The following LINGO2 variants were observed in gnomAD, a reference collection of about 807,000 sequenced individuals.
LINGO2 encodes the protein leucine rich repeat and Ig domain containing 2, also known as leucine-rich repeat and immunoglobulin-like domain-containing nogo receptor-interacting protein 2.
In LINGO2, 14 loss-of-function variants were observed where a neutral mutation model predicts 30.6. The observed-to-expected ratio is 0.46, with a 90% CI of 0.30 to 0.72. The LOEUF (loss-of-function observed/expected upper bound fraction) is 0.72, where lower values mean the gene tolerates loss of function less well. LINGO2 is among the 30% of genes least tolerant of loss of function. The pLI is 0.07. For synonymous variants in LINGO2, 317 were observed against 288.5 expected (o/e 1.10, Z -1.00); for missense variants, 729 against 751.7 (o/e 0.97, Z 0.35).
At chr9:28,478,706 T>C (rs945568937) in intron 1 of LINGO2, among the ~76,000 whole-genome samples, 1 of 152,144 alleles carries the variant, frequency 6.6e-6, no homozygotes, top group African/African-American at 2.4e-5. Flanking sequence ...AGATCAACAA[T>C]ACATCACTAA....
the LINGO2 span, among the ~76,000 whole-genome samples, chr9:28,830,191 A>C: frequency 6.6e-6 from 1 of 152,170 alleles, no homozygotes; most frequent in Non-Finnish European, 1.5e-5. Context: ...GGGGTAAGTA[A>C]CATTTAAACA....
chr9:28,965,305 A>G, the LINGO2 span, among the ~76,000 whole-genome samples: 2 of 152,018 alleles, frequency 1.3e-5, no homozygotes, highest in Admixed American at 6.6e-5. Flanking sequence ...CAGAACACTA[A>G]TATCAATTGA....
At chr9:28,719,668 C>T in the LINGO2 span, among the ~76,000 whole-genome samples, 1 of 152,092 alleles carries the variant, frequency 6.6e-6, no homozygotes, top group South Asian at 2.1e-4. Flanking sequence ...TTCTTCTTCT[C>T]ATTATACACT....
At chr9:29,051,244 G>C in the LINGO2 span, among the ~76,000 whole-genome samples, 1 of 152,024 alleles carries the variant, frequency 6.6e-6, no homozygotes, top group Non-Finnish European at 1.5e-5. Flanking sequence ...CACTATTATA[G>C]TATTGTACAG....
At chr9:28,022,997 T>C (rs1823209223) in intron 4 of LINGO2, among the ~76,000 whole-genome samples, 1 of 152,132 alleles carries the variant, frequency 6.6e-6, no homozygotes, top group Admixed American at 6.5e-5. Flanking sequence ...TTCTATTTTT[T>C]ATTTCTAGCA....
the LINGO2 span, among the ~76,000 whole-genome samples, chr9:28,957,497 C>T: frequency 6.6e-6 from 1 of 152,140 alleles, no homozygotes; most frequent in Non-Finnish European, 1.5e-5. Flanking sequence ...TCTAGATTCT[C>T]TTAAACTTTA....
At chr9:28,219,563 C>A (rs1219176656) in intron 4 of LINGO2, among the ~76,000 whole-genome samples, 1 of 152,158 alleles carries the variant, frequency 6.6e-6, no homozygotes, top group African/African-American at 2.4e-5. Context: ...ATGCCTGTCA[C>A]ATAGATCTTT....
At chr9:29,088,322 T>C in the LINGO2 span, among the ~76,000 whole-genome samples, 5 of 152,132 alleles carry the variant, frequency 3.3e-5, no homozygotes, top group East Asian at 3.9e-4. Context: ...TCTCTGCTCA[T>C]GGCAAAACCG....
At chr9:28,434,260 G>T (rs1057041539) in intron 2 of LINGO2, among the ~76,000 whole-genome samples, 4 of 148,732 alleles carry the variant, frequency 2.7e-5, no homozygotes, top group African/African-American at 9.9e-5. Flanking sequence ...CAGAAAGAAT[G>T]ACTACACACC....
the LINGO2 span, among the ~76,000 whole-genome samples, chr9:28,872,123 A>G: frequency 6.6e-6 from 1 of 152,002 alleles, no homozygotes; most frequent in Admixed American, 6.6e-5. Context: ...ACTAGAGAGA[A>G]AGAAACCTTC....
intron 2 of LINGO2, among the ~76,000 whole-genome samples, chr9:28,398,434 A>G (rs993721401): frequency 3.9e-5 from 6 of 152,210 alleles, no homozygotes; most frequent in African/African-American, 1.4e-4. Flanking sequence ...TCTCATTTCC[A>G]TAAATCTTAC....
At chr9:28,690,353 AC>A in the LINGO2 span, among the ~76,000 whole-genome samples, 1 of 152,176 alleles carries the variant, frequency 6.6e-6, no homozygotes, top group African/African-American at 2.4e-5. Flanking sequence ...CAGATTCCTG[AC>A]CCATAAAAAT....
chr9:28,839,488 G>A, the LINGO2 span, among the ~76,000 whole-genome samples: 2 of 152,114 alleles, frequency 1.3e-5, no homozygotes, highest in East Asian at 3.9e-4. Context: ...GCTCTCAGCA[G>A]AGAGGAGACC....
At chr9:28,886,481 T>C in the LINGO2 span, among the ~76,000 whole-genome samples, 63 of 152,242 alleles carry the variant, frequency 4.1e-4, no homozygotes, top group Non-Finnish European at 5.9e-5. Flanking sequence ...CTCCTTGGAT[T>C]TGAGGGTAAT....
chr9:28,055,583 G>A (rs1307930052), intron 4 of LINGO2, among the ~76,000 whole-genome samples: 1 of 152,178 alleles, frequency 6.6e-6, no homozygotes, highest in Non-Finnish European at 1.5e-5. Context: ...TAAGGCTTCA[G>A]TCTAATTTCT....
chr9:28,333,701 G>C lies in LINGO2; in HGVS notation c.-245-38335C>G, dbSNP rs528566537. Among the ~76,000 whole-genome samples, 3 of 152,142 alleles carry C rather than the reference G, an allele frequency of 2.0e-5. No homozygotes were observed. The East Asian group carries it at 5.8e-4, about 29-fold the overall frequency. ...TAATGAACTTTCAAAATATAATCACGTCAGGGCCGTGCCATATCCTCTGAT... is the reference window on the plus strand; with the variant it reads ...TAATGAACTTTCAAAATATAATCACCTCAGGGCCGTGCCATATCCTCTGAT... On this transcript the variant is annotated intron_variant, in intron 3 of 5. Coordinates refer to ENST00000379992, the Ensembl canonical transcript of LINGO2.
At chr9:28,622,746 T>G (rs962881421) in intron 1 of LINGO2, among the ~76,000 whole-genome samples, 1 of 151,618 alleles carries the variant, frequency 6.6e-6, no homozygotes. Flanking sequence ...TTTTTTTTAG[T>G]TTTTTGAGGA....
At chr9:28,518,064 C>T (rs145305884) in intron 1 of LINGO2, among the ~76,000 whole-genome samples, 1 of 152,064 alleles carries the variant, frequency 6.6e-6, no homozygotes, top group Non-Finnish European at 1.5e-5. Flanking sequence ...AGATAGGGTC[C>T]CAAAATGTGA....
intron 4 of LINGO2, among the ~76,000 whole-genome samples, chr9:28,050,308 G>A (rs1382873427): frequency 6.6e-6 from 1 of 150,578 alleles, no homozygotes; most frequent in African/African-American, 2.5e-5. Context: ...ATGCTGGTAG[G>A]GAAGACAACC....
Sources: allele counts gnomAD v4.1 joint callset (sites outside exome capture counted in the v4.1 genomes callset), GRCh38; gene constraint gnomAD v4.1.1; transcripts MANE v1.5; gene names NCBI Gene and HGNC (gene_info 2026-07-23, HGNC 2026-07-21).